Variants in FRMD5 observed in about 807,000 individuals in gnomAD.
The protein encoded by FRMD5 is FERM domain-containing protein 5.
In FRMD5, 20 loss-of-function variants were observed where a neutral mutation model predicts 69.0. That is an observed-to-expected ratio of 0.29 (90% CI 0.20 to 0.42). The LOEUF (loss-of-function observed/expected upper bound fraction) is 0.42, where lower values mean the gene tolerates loss of function less well. FRMD5 is among the 10% of genes least tolerant of loss of function. The probability of loss-of-function intolerance (pLI) is 1.00; values close to 1 mark genes in which losing one functional copy is unlikely to be tolerated. For synonymous variants in FRMD5, 271 were observed against 260.1 expected (o/e 1.04, Z -0.40); for missense variants, 595 against 708.6 (o/e 0.84, Z 1.82).
intron 1 of FRMD5, among the ~76,000 whole-genome samples, chr15:44,008,714 T>C (rs911556119): frequency 6.6e-6 from 1 of 152,148 alleles, no homozygotes; most frequent in African/African-American, 2.4e-5. Flanking sequence ...ATTAAACTTG[T>C]AGAGTTCCTC....
At position 44,006,291 on chromosome 15, in the gene FRMD5, T is replaced by C. The variant is rs567884449; in HGVS notation, c.103-81982A>G. On this transcript the variant is annotated intron_variant, in intron 1 of 13. Coordinates refer to ENST00000417257, the MANE Select transcript of FRMD5 (RefSeq NM_032892.5). ...TGGTTTACAGAATATTTTCAGTTCA[T>C]TGTTGAGACCTGCTGCTCAAAAAGA... Among the ~76,000 whole-genome samples the C allele has an allele frequency of 3.9e-5, 6 of 152,346 alleles. No homozygotes were observed. In the South Asian group the frequency reaches 1.0e-3, roughly 26 times the overall value.
chr15:44,012,674 C>T (rs530639035), intron 1 of FRMD5, among the ~76,000 whole-genome samples: 1 of 151,506 alleles, frequency 6.6e-6, no homozygotes, highest in Non-Finnish European at 1.5e-5. Flanking sequence ...ACAGGGGGTA[C>T]ACTTGCAGGG....
At chr15:44,052,866 G>A (rs915001203) in intron 1 of FRMD5, among the ~76,000 whole-genome samples, 15 of 152,104 alleles carry the variant, frequency 9.9e-5, no homozygotes, top group African/African-American at 3.6e-4. Context: ...TATGTGCTGG[G>A]TAGTATCCTA....
At chr15:44,075,465 C>T (rs562014723) in intron 1 of FRMD5, among the ~76,000 whole-genome samples, 43 of 152,080 alleles carry the variant, frequency 2.8e-4, no homozygotes, top group African/African-American at 9.2e-4. Context: ...AAAAGTTTCC[C>T]CTCTTAATTT....
chr15:43,928,073 A>T (rs1439341644), intron 1 of FRMD5, among the ~76,000 whole-genome samples: 2 of 152,190 alleles, frequency 1.3e-5, no homozygotes, highest in African/African-American at 4.8e-5. Context: ...TAGTTAGGAA[A>T]TAAGGATATA....
chr15:44,196,766 C>CTT (rs2078309120), upstream of FRMD5, among the ~76,000 whole-genome samples: 1 of 143,164 alleles, frequency 7.0e-6, no homozygotes, highest in African/African-American at 2.6e-5. Context: ...CTCTCTCTCT[C>CTT]TCTCTCTCTT....
At chr15:43,897,689 A>G (rs1366268718) in intron 7 of FRMD5, among the ~76,000 whole-genome samples, 1 of 152,070 alleles carries the variant, frequency 6.6e-6, no homozygotes, top group Non-Finnish European at 1.5e-5. Context: ...GGTCTATACA[A>G]AGCAGACATA....
chr15:44,140,880 CAAAA>C, intron 1 of FRMD5, among the ~76,000 whole-genome samples: 1 of 31,936 alleles, frequency 3.1e-5, no homozygotes, highest in Non-Finnish European at 6.6e-5. Context: ...GAGACTGTCT[CAAAA>C]AAAAAAAAAA....
rs868004229 is a variant in FRMD5 at position 44,072,334 on chromosome 15, T to G, written c.102+122619A>C. ...ATAAGGAACAGGGTATGCCTCTCAG[T>G]GTGTTGGAACTGCCTGATAGAAAAG... is the stretch of plus-strand genomic sequence containing the variant. On this transcript the variant is annotated intron_variant, in intron 1 of 13. Transcript: ENST00000417257. 2.0e-5 allele frequency among the ~76,000 whole-genome samples: 3 copies of G among 152,224 alleles called. No individual in the cohort carries two copies. The East Asian group carries it at 5.8e-4, about 29-fold the overall frequency.
intron 1 of FRMD5, among the ~76,000 whole-genome samples, chr15:44,072,431 T>C (rs1893580972): frequency 1.3e-5 from 2 of 152,172 alleles, no homozygotes; most frequent in South Asian, 4.1e-4. Context: ...TGATTCTCCC[T>C]TGTTAATACA....
At chr15:43,998,979 A>T (rs1312113108) in intron 1 of FRMD5, among the ~76,000 whole-genome samples, 2 of 152,248 alleles carry the variant, frequency 1.3e-5, no homozygotes, top group East Asian at 3.8e-4. Flanking sequence ...ATAAGCTGTA[A>T]TCATCAAATG....
chr15:44,191,353 C>T (rs777610163), intron 1 of FRMD5, among the ~76,000 whole-genome samples: 21 of 151,892 alleles, frequency 1.4e-4, no homozygotes, highest in Non-Finnish European at 2.6e-4. Flanking sequence ...CTTTGGGAGG[C>T]GAGGCGGGTG....
In FRMD5 at chr15:44,116,977, G is replaced by C. The variant is rs139763095; in HGVS notation, c.102+77976C>G. Among the ~76,000 whole-genome samples the C allele has an allele frequency of 3.0e-3, 451 of 151,684 alleles. 9 individuals carry two copies. The East Asian group carries it at 0.05, about 17-fold the overall frequency. On this transcript the variant is annotated intron_variant, in intron 1 of 13. Coordinates refer to ENST00000417257, the MANE Select transcript of FRMD5 (RefSeq NM_032892.5). ...TGGGCCTGTAATCCCAGCTACTCAG[G>C]GGGTGGGGCAGGGGGGTGGGCGTGG...
At chr15:43,918,846 GAC>G (rs1043827014) in intron 4 of FRMD5, 1 of 157,284 alleles carries the variant, frequency 6.4e-6, no homozygotes, top group African/African-American at 2.4e-5. Flanking sequence ...CTCACTCACT[GAC>G]CCTCTTTTAG....
chr15:43,926,114 G>A (rs986817783), intron 1 of FRMD5, among the ~76,000 whole-genome samples: 5 of 152,142 alleles, frequency 3.3e-5, no homozygotes, highest in African/African-American at 9.7e-5. Flanking sequence ...TGAATAGAAG[G>A]GAAAAGGTTT....
chr15:44,008,020 C>T (rs890661726), intron 1 of FRMD5, among the ~76,000 whole-genome samples: 7 of 151,520 alleles, frequency 4.6e-5, no homozygotes, highest in Non-Finnish European at 7.4e-5. Flanking sequence ...TGGCTCACTG[C>T]AGCCTTAACA....
intron 1 of FRMD5, among the ~76,000 whole-genome samples, chr15:44,035,155 C>A (rs1168291127): frequency 6.6e-6 from 1 of 152,180 alleles, no homozygotes; most frequent in African/African-American, 2.4e-5. Flanking sequence ...ATCATGGTGT[C>A]ACAGGTGACT....
chr15:44,020,788 T>G lies in FRMD5; in HGVS notation c.103-96479A>C, dbSNP rs1478888705. ...CAAAACAATAAATCAAGCCCTGATT[T>G]GTAGTGTTTGTTGATTTCAGTGGTG... On this transcript the variant is annotated intron_variant, in intron 1 of 13. Transcript: ENST00000417257. Among the ~76,000 whole-genome samples, 3 of 152,164 alleles carry G rather than the reference T, an allele frequency of 2.0e-5. No homozygotes were observed. In the East Asian group the frequency reaches 5.8e-4, roughly 29 times the overall value.
intron 1 of FRMD5, among the ~76,000 whole-genome samples, chr15:44,165,248 G>A (rs961013945): frequency 4.0e-5 from 6 of 151,510 alleles, no homozygotes; most frequent in East Asian, 2.0e-4. Flanking sequence ...GCGAAACCCC[G>A]TCTCTACTAA....
Sources: allele counts gnomAD v4.1 joint callset (sites outside exome capture counted in the v4.1 genomes callset), GRCh38; gene constraint gnomAD v4.1.1; transcripts MANE v1.5; gene names NCBI Gene and HGNC (gene_info 2026-07-23, HGNC 2026-07-21).